Variants in LMF1 observed in about 807,000 individuals in gnomAD.
LMF1 encodes lipase maturation factor 1.
A neutral mutation model predicts 60.6 loss-of-function variants in LMF1; 68 were observed. The ratio of observed to expected loss-of-function variants is 1.12; its 90% CI spans 0.92 to 1.37. LMF1 has a LOEUF of 1.37. Among genes scored for constraint, LMF1 ranks in the 40% most tolerant of loss-of-function variants. LMF1 has a pLI of 0.00. For synonymous variants in LMF1, 418 were observed against 324.7 expected (o/e 1.29, Z -3.09); for missense variants, 948 against 767.2 (o/e 1.24, Z -2.78).
chr16:954,802 T>C (rs1291033057), intron 1 of LMF1, 136 bp from the exon 2 acceptor site: 5 of 765,380 alleles, frequency 6.5e-6, no homozygotes. Flanking sequence ...GGCCAAACCC[T>C]AGACTCAGGA....
intron 3 of LMF1, among the ~76,000 whole-genome samples, chr16:911,623 G>C (rs1285743130): frequency 2.2e-5 from 1 of 45,810 alleles, no homozygotes; most frequent in Non-Finnish European, 3.7e-5. Flanking sequence ...CAGCACTTGG[G>C]GGGGCAGCAC....
chr16:890,282 A>G, intron 5 of LMF1, among the ~76,000 whole-genome samples: 1 of 152,214 alleles, frequency 6.6e-6, no homozygotes, highest in African/African-American at 2.4e-5. Flanking sequence ...CTGGAGCCCC[A>G]AGGGGCCCCC....
At position 878,882 on chromosome 16, in the gene LMF1, A is replaced by G. The variant is rs1347674338; in HGVS notation, c.897+688T>C. Among the ~76,000 whole-genome samples, 4 of 152,210 alleles carry G rather than the reference A, an allele frequency of 2.6e-5. No individual in the cohort carries two copies. The highest frequency in any genetic ancestry group is 9.7e-5 in the African/African-American group (4 of 41,442). On this transcript the variant is annotated intron_variant, in intron 6 of 10. Coordinates refer to ENST00000262301, the MANE Select transcript of LMF1 (RefSeq NM_022773.4). The surrounding 1 kb of genome is among the most constrained non-coding windows in gnomAD (Gnocchi z 5.2). Reference sequence around the variant, plus strand: ...ACACCTCCATTGAAACAATCGAGAGAGAGAACCACCTTTAAAATCCCCACC... The same window carrying G: ...ACACCTCCATTGAAACAATCGAGAGGGAGAACCACCTTTAAAATCCCCACC...
intron 3 of LMF1, among the ~76,000 whole-genome samples, chr16:913,220 G>A (rs1175609645): frequency 5.9e-5 from 9 of 152,214 alleles, no homozygotes; most frequent in South Asian, 2.1e-4. Flanking sequence ...CTCCGGCGTC[G>A]TTTCCACCTC....
At chr16:869,787 A>G in intron 9 of LMF1, 96 bp downstream of exon 9, 1 of 1,267,242 alleles carries the variant, frequency 7.9e-7, no homozygotes, top group Admixed American at 2.0e-5. Flanking sequence ...CCTCCCCACC[A>G]GCCCCTTCAG....
At chr16:978,278 CCA>C (rs2073233658) in intron 1 of LMF1, among the ~76,000 whole-genome samples, 2 of 151,590 alleles carry the variant, frequency 1.3e-5, no homozygotes, top group African/African-American at 4.9e-5. Flanking sequence ...TATACACGCA[CCA>C]CACACACCAT....
At chr16:859,224 AGTGG>A (rs2069339378) in intron 10 of LMF1, among the ~76,000 whole-genome samples, 1 of 33,748 alleles carries the variant, frequency 3.0e-5, no homozygotes. Flanking sequence ...ACGGGTGTGC[AGTGG>A]TGTCACGGGA....
At chr16:873,018 T>C (rs1380210073) in intron 6 of LMF1, 1 of 152,244 alleles carries the variant, frequency 6.6e-6, no homozygotes, top group Non-Finnish European at 1.5e-5. Flanking sequence ...CTCAGGGAAC[T>C]AGGGCTCCAG....
chr16:908,396 C>T (rs956023916), intron 4 of LMF1, among the ~76,000 whole-genome samples: 5 of 152,180 alleles, frequency 3.3e-5, no homozygotes, highest in Admixed American at 6.5e-5. Context: ...CAGCCACTCA[C>T]GCACCCCTCA....
intron 1 of LMF1, among the ~76,000 whole-genome samples, chr16:970,465 G>A (rs994586913): frequency 6.6e-6 from 1 of 152,188 alleles, no homozygotes; most frequent in Admixed American, 6.5e-5. Flanking sequence ...TCCTGGGCCA[G>A]GGCCCGGGCC....
intron 2 of LMF1, among the ~76,000 whole-genome samples, chr16:945,011 C>A (rs796394360): frequency 1.3e-5 from 2 of 149,500 alleles, no homozygotes; most frequent in African/African-American, 2.5e-5. Flanking sequence ...GTCAGGAGTT[C>A]GAGACCAGCC....
chr16:946,798 C>A (rs569019746), intron 2 of LMF1, among the ~76,000 whole-genome samples: 5 of 152,334 alleles, frequency 3.3e-5, no homozygotes, highest in Admixed American at 2.6e-4. Flanking sequence ...TGGGCCTGAC[C>A]AAGCTGAAGT....
intron 3 of LMF1, among the ~76,000 whole-genome samples, chr16:912,317 C>T (rs1304160680): frequency 6.6e-6 from 1 of 152,084 alleles, no homozygotes; most frequent in Non-Finnish European, 1.5e-5. Flanking sequence ...CTACCTGCCA[C>T]AGAGAGGACG....
chr16:880,543 G>A (rs1041812770), intron 5 of LMF1, among the ~76,000 whole-genome samples: 1 of 152,234 alleles, frequency 6.6e-6, no homozygotes, highest in Non-Finnish European at 1.5e-5. Flanking sequence ...GGTGGTGCGT[G>A]CCTGTAGCCC....
chr16:967,694 G>A (rs1393622174), intron 1 of LMF1, among the ~76,000 whole-genome samples: 2 of 152,268 alleles, frequency 1.3e-5, no homozygotes, highest in Admixed American at 6.5e-5. Flanking sequence ...CCTCCCAGGA[G>A]CCGTCACGGC....
chr16:910,524 C>T (rs2071081050), intron 4 of LMF1, among the ~76,000 whole-genome samples: 1 of 152,154 alleles, frequency 6.6e-6, no homozygotes, highest in Non-Finnish European at 1.5e-5. Flanking sequence ...ATATGTCTGC[C>T]AACGCGCCCA....
intron 1 of LMF1, chr16:979,944 G>A: frequency 2.8e-6 from 1 of 357,860 alleles, no homozygotes; most frequent in East Asian, 7.5e-5. Flanking sequence ...CGGAGGGCAG[G>A]GCCTCCAGGG....
rs1383066140 is a variant in LMF1 at position 875,468 on chromosome 16, T to TAGC, written c.897+4099_897+4101dup. On this transcript the variant is annotated intron_variant, in intron 6 of 10. Transcript: ENST00000262301. ...GTCACCTCCCCATTCCATGTCACGGTAGCTCAGCCCTCAAGTGACTCCCAC... is the reference window on the plus strand; with the variant it reads ...GTCACCTCCCCATTCCATGTCACGGTAGCAGCTCAGCCCTCAAGTGACTCCCAC... 3.3e-5 allele frequency among the ~76,000 whole-genome samples: 5 copies of TAGC among 152,272 alleles called. No homozygotes were observed. In the East Asian group the frequency reaches 9.6e-4, roughly 29 times the overall value.
chr16:913,215 G>A lies in LMF1; in HGVS notation c.515-2136C>T, dbSNP rs552554180. On this transcript the variant is annotated intron_variant, in intron 3 of 10. Transcript: ENST00000262301. Reference sequence around the variant, plus strand: ...GCCCCTGCTCCACTCCACGGCTCCGGCGTCGTTTCCACCTCGTGCTGTGCT... The same window carrying A: ...GCCCCTGCTCCACTCCACGGCTCCGACGTCGTTTCCACCTCGTGCTGTGCT... Among the ~76,000 whole-genome samples, 8 of 152,338 alleles carry A rather than the reference G, an allele frequency of 5.3e-5. No homozygotes were observed. In the South Asian group the frequency reaches 1.7e-3, roughly 32 times the overall value.
Sources: allele counts gnomAD v4.1 joint callset (sites outside exome capture counted in the v4.1 genomes callset), GRCh38; gene constraint gnomAD v4.1.1; non-coding constraint Gnocchi (gnomAD v3.1); transcripts MANE v1.5; gene names NCBI Gene and HGNC (gene_info 2026-07-23, HGNC 2026-07-21).